Variants in PCDH9 observed in about 807,000 individuals in gnomAD.
PCDH9 encodes protocadherin-9.
In PCDH9, 24 loss-of-function variants were observed where a neutral mutation model predicts 70.6. The observed-to-expected ratio is 0.34, with a 90% CI of 0.25 to 0.48. PCDH9 has a LOEUF of 0.48. PCDH9 is among the 20% of genes least tolerant of loss of function. The pLI is 0.99. For missense variants in PCDH9, 1,281 were observed against 1,503.6 expected, an observed-to-expected ratio of 0.85 and a Z score of 2.45; for synonymous variants, 562 against 558.5, an observed-to-expected ratio of 1.01 and a Z score of -0.09.
chr13:67,036,174 T>C (rs571398364), intron 2 of PCDH9, among the ~76,000 whole-genome samples: 18 of 152,292 alleles, frequency 1.2e-4, no homozygotes, highest in Admixed American at 1.1e-3. Context: ...AAACAAAATG[T>C]ATTCAGATAC....
chr13:67,008,640 T>C (rs1408877213), intron 2 of PCDH9, among the ~76,000 whole-genome samples: 1 of 152,166 alleles, frequency 6.6e-6, no homozygotes, highest in African/African-American at 2.4e-5. Flanking sequence ...CTCTTCTTAC[T>C]TTCTCTTCTA....
chr13:66,834,694 G>A (rs981477637), intron 3 of PCDH9, among the ~76,000 whole-genome samples: 1 of 152,120 alleles, frequency 6.6e-6, no homozygotes, highest in African/African-American at 2.4e-5. Context: ...AACCTTTCTG[G>A]TTGTGTTTCA....
intron 2 of PCDH9, among the ~76,000 whole-genome samples, chr13:67,016,967 T>TC (rs905091896): frequency 6.6e-6 from 1 of 152,072 alleles, no homozygotes; most frequent in Non-Finnish European, 1.5e-5. Context: ...GGTTTTTTTT[T>TC]CCCTCTGAGA....
At chr13:66,916,252 C>A (rs533209714) in intron 2 of PCDH9, among the ~76,000 whole-genome samples, 1 of 151,488 alleles carries the variant, frequency 6.6e-6, no homozygotes, top group Non-Finnish European at 1.5e-5. Flanking sequence ...TTGAACTCTG[C>A]TCAATGTTTC....
At chr13:66,869,359 T>A (rs2139502744) in intron 3 of PCDH9, among the ~76,000 whole-genome samples, 1 of 152,282 alleles carries the variant, frequency 6.6e-6, no homozygotes, top group South Asian at 2.1e-4. Context: ...ATACTACTTG[T>A]ATTTATTTGT....
At chr13:66,577,588 A>G (rs2076832949) in intron 4 of PCDH9, among the ~76,000 whole-genome samples, 1 of 151,992 alleles carries the variant, frequency 6.6e-6, no homozygotes, top group African/African-American at 2.4e-5. Context: ...TGCATAGGAT[A>G]GATAGTTCAT....
In PCDH9 at chr13:66,412,439, C is replaced by T. The variant is rs192697229; in HGVS notation, c.3341-107411G>A. 4.7e-4 allele frequency among the ~76,000 whole-genome samples: 72 copies of T among 152,208 alleles called. 1 individual carries two copies. Among genetic ancestry groups the T allele is most frequent in the Admixed American group, 7.2e-4 (11 of 15,280 alleles). On this transcript the variant is annotated intron_variant, in intron 4 of 4. Transcript: ENST00000377865. The stretch of plus-strand genomic sequence containing the variant: ...CCCTTTCCTTAGCAGAAATGTAAGC[C>T]GGGCAAGGACAGACGGATTTTTCTA...
In PCDH9 at chr13:66,548,554, G is replaced by A. The variant is rs1469678981; in HGVS notation, c.3340+82656C>T. Among the ~76,000 whole-genome samples the A allele has an allele frequency of 2.6e-5, 4 of 152,022 alleles. No individual in the cohort carries two copies. In the East Asian group the frequency reaches 7.7e-4, roughly 29 times the overall value. On this transcript the variant is annotated intron_variant, in intron 4 of 4. Transcript: ENST00000377865. The stretch of plus-strand genomic sequence containing the variant: ...CACTACAGCCTGGGTGACAGAGTGA[G>A]ACTCCATCTCAAAAATAAAAATTAA...
intron 2 of PCDH9, among the ~76,000 whole-genome samples, chr13:66,910,294 A>G (rs1160425593): frequency 6.6e-6 from 1 of 152,220 alleles, no homozygotes; most frequent in Non-Finnish European, 1.5e-5. Flanking sequence ...CTGATTTTAT[A>G]TAGTCTTCTG....
At chr13:66,598,361 G>A (rs1293519419) in intron 4 of PCDH9, among the ~76,000 whole-genome samples, 1 of 151,580 alleles carries the variant, frequency 6.6e-6, no homozygotes, top group African/African-American at 2.4e-5. Flanking sequence ...TAAATATAGA[G>A]GATACACAGA....
At chr13:66,963,529 T>C (rs2139730363) in intron 2 of PCDH9, among the ~76,000 whole-genome samples, 1 of 152,358 alleles carries the variant, frequency 6.6e-6, no homozygotes, top group South Asian at 2.1e-4. Context: ...CTTTGATATT[T>C]TTAATGATTT....
chr13:66,383,801 A>T (rs747457704), intron 4 of PCDH9, among the ~76,000 whole-genome samples: 14 of 152,190 alleles, frequency 9.2e-5, no homozygotes, highest in Non-Finnish European at 1.9e-4. Flanking sequence ...TAGCAAGCTA[A>T]TCTTCTAGCA....
intron 3 of PCDH9, among the ~76,000 whole-genome samples, chr13:66,895,781 T>C (rs74585201): frequency 0.02 from 3,085 of 152,342 alleles, 112 homozygotes; most frequent in African/African-American, 0.07. Context: ...TACACCTGTT[T>C]TGTACTCTAC....
chr13:66,905,054 T>C (rs1180911638), intron 2 of PCDH9, among the ~76,000 whole-genome samples: 1 of 152,066 alleles, frequency 6.6e-6, no homozygotes, highest in Non-Finnish European at 1.5e-5. Context: ...AACCTCTGTT[T>C]CTAAGTAACT....
At chr13:66,938,395 T>C (rs1430502234) in intron 2 of PCDH9, among the ~76,000 whole-genome samples, 2 of 152,312 alleles carry the variant, frequency 1.3e-5, no homozygotes, top group Admixed American at 1.3e-4. Context: ...CAATACTCTA[T>C]TAATTTAGCT....
chr13:66,391,730 G>C (rs1386572014), intron 4 of PCDH9, among the ~76,000 whole-genome samples: 1 of 151,890 alleles, frequency 6.6e-6, no homozygotes, highest in Non-Finnish European at 1.5e-5. Flanking sequence ...CATGTATTCA[G>C]TTTAAAGGGC....
At chr13:67,207,129 T>C (rs2138070908) in intron 2 of PCDH9, 1 of 150,742 alleles carries the variant, frequency 6.6e-6, no homozygotes, top group South Asian at 2.1e-4. Context: ...TGGCAAAATT[T>C]GTATAATAAT....
rs536191693 is a variant in PCDH9, at chr13:66,354,987, T to C, written c.3341-49959A>G. On this transcript the variant is annotated intron_variant, in intron 4 of 4. Coordinates refer to ENST00000377865, the MANE Select transcript of PCDH9 (RefSeq NM_203487.3). ...AGTTAAGTCTGGGTGGGATAAGGCCTGAGAGTCTGCATTTCTAACAAGCTC... is the reference window on the plus strand; with the variant it reads ...AGTTAAGTCTGGGTGGGATAAGGCCCGAGAGTCTGCATTTCTAACAAGCTC... Among the ~76,000 whole-genome samples, 4 of 152,270 alleles carry C rather than the reference T, an allele frequency of 2.6e-5. No individual in the cohort carries two copies. In the South Asian group the frequency reaches 8.3e-4, roughly 32 times the overall value.
intron 4 of PCDH9, among the ~76,000 whole-genome samples, chr13:66,433,870 AAGG>A (rs1957819770): frequency 6.6e-6 from 1 of 151,898 alleles, no homozygotes; most frequent in Admixed American, 6.6e-5. Context: ...GTAAATATTG[AAGG>A]AGTATTAATT....
Sources: gnomAD v4.1 joint callset for allele counts (sites outside exome capture counted in the v4.1 genomes callset) on GRCh38, gnomAD v4.1.1 for gene constraint, MANE v1.5 for transcripts, NCBI Gene and HGNC (gene_info 2026-07-23, HGNC 2026-07-21) for gene names.